Variants in AGBL2 observed in about 807,000 individuals in gnomAD.
AGBL2 encodes the protein cytosolic carboxypeptidase 2.
Under a neutral mutation model 103.0 loss-of-function variants are expected in AGBL2, and 87 were observed. The observed-to-expected ratio is 0.84, with a 90% confidence interval of 0.71 to 1.01. AGBL2 has a LOEUF of 1.01. AGBL2 is among the 50% of genes least tolerant of loss of function. The probability of loss-of-function intolerance (pLI) is 0.00; values close to 1 mark genes in which losing one functional copy is unlikely to be tolerated. For synonymous variants in AGBL2, 335 were observed against 356.7 expected (o/e 0.94, Z 0.69); for missense variants, 904 against 1,023.5 (o/e 0.88, Z 1.59).
chr11:47,679,211 G>A (rs1019130950), intron 13 of AGBL2, among the ~76,000 whole-genome samples: 1 of 151,788 alleles, frequency 6.6e-6, no homozygotes, highest in African/African-American at 2.4e-5. Context: ...ACGAGCCCAG[G>A]AGCTGGAGAC....
chr11:47,712,269 C>G (rs1313029149), intron 3 of AGBL2, among the ~76,000 whole-genome samples: 1 of 151,856 alleles, frequency 6.6e-6, no homozygotes, highest in Non-Finnish European at 1.5e-5. Context: ...TTGGAACCTC[C>G]CCCCTGTAGA....
intron 14 of AGBL2, among the ~76,000 whole-genome samples, chr11:47,675,245 A>C (rs2097370730): frequency 8.5e-6 from 1 of 117,788 alleles, no homozygotes. Context: ...GTCTCACTCT[A>C]TAGCGCAGAT....
At chr11:47,666,933 A>C (rs2097342765) in intron 17 of AGBL2, 23 bp downstream of exon 17, 1 of 1,442,824 alleles carries the variant, frequency 6.9e-7, no homozygotes, top group Non-Finnish European at 9.7e-7. Context: ...TGTGTGACAA[A>C]GAGTCAAAAA....
At position 47,710,402 on chromosome 11, in the gene AGBL2, G is replaced by A; in HGVS notation, c.207C>T (p.Asp69=). The A allele has an allele frequency of 6.2e-7, 1 of 1,614,114 alleles. No homozygotes were observed. The highest frequency in any genetic ancestry group is 8.5e-7 in the Non-Finnish European group (1 of 1,180,000). Residue 69 remains aspartate (D), a synonymous_variant, in exon 4 of 19, where the codon GAC becomes GAT. Transcript: ENST00000525123. ...ATAGAAGCTTCTCCTTTTGCAGGGT[G>A]TCTGGTATCAAATCATCTTTTTCCC... ...SLGEKDDLIP[D]TLQKEKLLWP...
At chr11:47,686,455 T>G (rs1428557335) in intron 10 of AGBL2, among the ~76,000 whole-genome samples, 14 of 148,220 alleles carry the variant, frequency 9.4e-5, no homozygotes, top group Non-Finnish European at 1.8e-4. Context: ...TGGTTTTTTT[T>G]TTTTTTTTTT....
At chr11:47,683,971 T>C (rs1357291314) in intron 11 of AGBL2, among the ~76,000 whole-genome samples, 1 of 149,424 alleles carries the variant, frequency 6.7e-6, no homozygotes, top group Non-Finnish European at 1.5e-5. Context: ...GTCTAGGCCG[T>C]GCGTGGCGTG....
intron 8 of AGBL2, among the ~76,000 whole-genome samples, chr11:47,693,088 G>A (rs1050385728): frequency 5.3e-5 from 8 of 152,078 alleles, no homozygotes; most frequent in African/African-American, 1.9e-4. Context: ...CCAAAGTGCT[G>A]AGTTTACAGA....
chr11:47,659,956 T>C lies in AGBL2; in HGVS notation c.*217A>G, dbSNP rs1224069699. 2 of 426,732 alleles carry C rather than the reference T, an allele frequency of 4.7e-6. No individual in the cohort carries two copies. The highest frequency in any genetic ancestry group is 8.1e-6 in the Non-Finnish European group (2 of 247,818). The allele number at this position is 426,732 out of a possible 1,614,324, so 26.4% of individuals were successfully genotyped here. On this transcript the variant is annotated 3_prime_UTR_variant, in exon 19 of 19. Coordinates refer to ENST00000525123, the MANE Select transcript of AGBL2 (RefSeq NM_024783.4). ...GATAAAGCATTTTTACACATCATAA[T>C]AAAATTTCATTTTATGAAAAAATAG...
chr11:47,667,072 G>T lies in AGBL2; in HGVS notation c.2341-9C>A. The T allele has an allele frequency of 6.5e-7, 1 of 1,543,428 alleles. No individual in the cohort carries two copies. The highest frequency in any genetic ancestry group is 1.2e-5 in the South Asian group (1 of 83,330). Reference sequence around the variant, plus strand: ...GCAAATCCTGCCTTTTCCTAGGATTGAGTGAAAAGAGAATCTTTTTCAATT... The same window carrying T: ...GCAAATCCTGCCTTTTCCTAGGATTTAGTGAAAAGAGAATCTTTTTCAATT... On this transcript the variant is annotated splice_polypyrimidine_tract_variant and intron_variant, in intron 16 of 18. Coordinates refer to ENST00000525123, the MANE Select transcript of AGBL2 (RefSeq NM_024783.4).
At position 47,705,883 on chromosome 11, in the gene AGBL2, C is replaced by T; in HGVS notation, c.267G>A (p.Gln89=). The T allele has an allele frequency of 6.2e-7, 1 of 1,614,036 alleles. No homozygotes were observed. The highest frequency in any genetic ancestry group is 8.5e-7 in the Non-Finnish European group (1 of 1,179,996). ...AAATACCTCTGTTGATGGCTTCTAT[C>T]TGTCTGTGCACAGCTGAAGATAAAC... ...PISLSSAVHR[Q]IEAINRDFHS... Residue 89 remains glutamine, a synonymous_variant, in exon 5 of 19, where the codon CAG becomes CAA. Transcript: ENST00000525123.
intron 10 of AGBL2, among the ~76,000 whole-genome samples, chr11:47,688,955 C>G (rs1157696850): frequency 2.6e-5 from 4 of 152,008 alleles, no homozygotes; most frequent in Non-Finnish European, 5.9e-5. Flanking sequence ...AGGCTGGTCT[C>G]AAACTCCTGA....
intron 14 of AGBL2, among the ~76,000 whole-genome samples, chr11:47,674,164 C>A (rs2097366559): frequency 6.6e-6 from 1 of 151,872 alleles, no homozygotes; most frequent in African/African-American, 2.4e-5. Context: ...GCAATAAATG[C>A]TATGGAAAAA....
At chr11:47,684,228 G>C (rs1264382692) in intron 11 of AGBL2, among the ~76,000 whole-genome samples, 2 of 151,704 alleles carry the variant, frequency 1.3e-5, no homozygotes, top group Non-Finnish European at 2.9e-5. Flanking sequence ...AGTGGAGATC[G>C]TGTTACTGCA....
At chr11:47,678,924 T>TG (rs1411084809) in intron 13 of AGBL2, among the ~76,000 whole-genome samples, 2 of 150,438 alleles carry the variant, frequency 1.3e-5, no homozygotes, top group Admixed American at 1.3e-4. Flanking sequence ...CCGGACGTGG[T>TG]GGTGCACGCC....
At chr11:47,701,973 C>CA (rs11319513) in intron 7 of AGBL2, among the ~76,000 whole-genome samples, 9 of 107,570 alleles carry the variant, frequency 8.4e-5, no homozygotes, top group African/African-American at 1.2e-4. Flanking sequence ...ACTCTGTTCT[C>CA]AAAAAAAAAA....
intron 17 of AGBL2, among the ~76,000 whole-genome samples, chr11:47,664,883 T>TA (rs199879227): frequency 0.013 from 1,806 of 137,046 alleles, 43 homozygotes; most frequent in African/African-American, 0.048. Flanking sequence ...CACCTTTTTT[T>TA]TTTTTTTTTT....
intron 8 of AGBL2, among the ~76,000 whole-genome samples, chr11:47,693,209 G>A (rs1034007181): frequency 2.0e-5 from 3 of 151,810 alleles, no homozygotes; most frequent in African/African-American, 7.3e-5. Context: ...TGTCACCCAG[G>A]CTGGAGCAGT....
At chr11:47,661,172 A>T (rs900291114) in intron 18 of AGBL2, among the ~76,000 whole-genome samples, 16 of 151,838 alleles carry the variant, frequency 1.1e-4, no homozygotes, top group Non-Finnish European at 2.9e-5. Context: ...CAAAAAAAAA[A>T]ATTTTTTTTT....
intron 7 of AGBL2, among the ~76,000 whole-genome samples, chr11:47,701,802 G>A (rs763778430): frequency 7.9e-5 from 12 of 151,718 alleles, no homozygotes; most frequent in East Asian, 3.9e-4. Context: ...GTGAAACCCC[G>A]TCTCTACCAA....
Sources: allele counts gnomAD v4.1 joint callset (sites outside exome capture counted in the v4.1 genomes callset), GRCh38; gene constraint gnomAD v4.1.1; transcripts MANE v1.5; gene names NCBI Gene and HGNC (gene_info 2026-07-23, HGNC 2026-07-21).